KNG1: variants seen among roughly 807,000 people sequenced by gnomAD.
The protein encoded by KNG1 is kininogen 1, also known as kininogen-1.
KNG1 carries 23 observed loss-of-function variants against 47.8 expected under a neutral mutation model. That is an observed-to-expected ratio of 0.48 (90% confidence interval 0.35 to 0.68). The LOEUF is 0.68. Ranked by LOEUF, KNG1 falls within the 30% of genes least tolerant of loss-of-function variation. KNG1 has a pLI of 0.01. For synonymous variants in KNG1, 277 were observed against 277.0 expected (o/e 1.00, Z 0.00); for missense variants, 762 against 790.2 (o/e 0.96, Z 0.43).
chr3:186,722,619 G>T, intron 3 of KNG1, 98 bp downstream of exon 3: 1 of 972,038 alleles, frequency 1.0e-6, no homozygotes, highest in Non-Finnish European at 1.6e-6. Context: ...CTCCCAGAGG[G>T]TGGCAGTAGT....
At chr3:186,727,443 A>G in intron 5 of KNG1, 99 bp downstream of exon 5, 1 of 794,654 alleles carries the variant, frequency 1.3e-6, no homozygotes, top group Non-Finnish European at 2.2e-6. Flanking sequence ...AAAAGTTTAG[A>G]TGACATTCAG....
chr3:186,717,809 C>CAG (rs1311979926), intron 1 of KNG1, 72 bp downstream of exon 1: 17 of 1,035,158 alleles, frequency 1.6e-5, no homozygotes, highest in Middle Eastern at 2.9e-4. Context: ...GCCTCACACA[C>CAG]ACACACACAT....
rs201690296 is a variant in KNG1, at chr3:186,743,687, G to A, written c.*1356G>A. 4.4e-5 allele frequency: 70 copies of A among 1,594,892 alleles called. No individual in the cohort carries two copies. The highest frequency in any genetic ancestry group is 1.3e-4 in the African/African-American group (10 of 74,542). On this transcript the variant is annotated 3_prime_UTR_variant, in exon 10 of 10. Transcript: ENST00000644859. Reference sequence around the variant, plus strand: ...TGAATGATAACATCATATTAACTGCGTTTTACTATACTTACAGAGTCACCT... The same window carrying A: ...TGAATGATAACATCATATTAACTGCATTTTACTATACTTACAGAGTCACCT...
chr3:186,722,248 A>G (rs911038062), intron 2 of KNG1, among the ~76,000 whole-genome samples, 189 bp from the exon 3 acceptor site: 29 of 152,174 alleles, frequency 1.9e-4, no homozygotes, highest in African/African-American at 7.0e-4. Flanking sequence ...CATGAATATC[A>G]GTGGCTTATA....
At chr3:186,732,127 T>C (rs1648700) in intron 6 of KNG1, among the ~76,000 whole-genome samples, 58,174 of 152,104 alleles carry the variant, frequency 0.38, 11,254 homozygotes, top group South Asian at 0.48. Flanking sequence ...ATGCGTTCCA[T>C]GAGTAGTCTG....
rs1720853345 is a variant in KNG1, at chr3:186,742,915, GA to G, written c.*589del. ...AAAAAGAAAAAAAAAGAAATAATAA[GA>G]AAAACTTCCAGATTTCAAAGTAACA... On this transcript the variant is annotated 3_prime_UTR_variant, in exon 10 of 10. Coordinates refer to ENST00000644859, the MANE Select transcript of KNG1 (RefSeq NM_001102416.3). The G allele has an allele frequency of 3.1e-6, 3 of 981,088 alleles. No homozygotes were observed. The highest frequency in any genetic ancestry group is 2.4e-6 in the Non-Finnish European group (2 of 826,172). 60.8% of individuals were successfully genotyped at this position (981,088 alleles called of 1,614,324 possible).
rs772770069 is a variant in KNG1 at position 186,739,135 on chromosome 3, G to GCCAGGGAAA, written c.971_979dup (p.Arg324_Thr326dup). 4.6e-5 allele frequency: 74 copies of GCCAGGGAAA among 1,613,942 alleles called. No homozygotes were observed. The highest frequency in any genetic ancestry group is 5.8e-5 in the Non-Finnish European group (69 of 1,180,014). The stretch of plus-strand genomic sequence containing the variant: ...CAAGAAATATTTTATTGACTTCGTG[G>GCCAGGGAAA]CCAGGGAAACCACATGTTCCAAGGA... On this transcript the variant is annotated inframe_insertion, in exon 8 of 10. Transcript: ENST00000644859.
chr3:186,720,500 A>G, intron 2 of KNG1: 2 of 280,302 alleles, frequency 7.1e-6, no homozygotes, highest in South Asian at 3.7e-5. Context: ...ACAAATTGAC[A>G]TTTGGGCCAA....
rs531695652 is a variant in KNG1 at position 186,722,662 on chromosome 3, G to A, written c.391+141G>A. ...TTTGCAGAGTTAGGGAGCATTGGGT[G>A]GAGCGGCAGAGCCCGGAGGTTGAGC... On this transcript the variant is annotated intron_variant, in intron 3 of 9. Coordinates refer to ENST00000644859, the MANE Select transcript of KNG1 (RefSeq NM_001102416.3). 395 of 729,994 alleles carry A rather than the reference G, an allele frequency of 5.4e-4. 7 individuals are homozygous for A. In the South Asian group the frequency reaches 5.9e-3, roughly 11 times the overall value. The allele number at this position is 729,994 out of a possible 1,614,324, so 45.2% of individuals were successfully genotyped here.
rs1201092531 is a variant in KNG1, at chr3:186,721,952, C to T, written c.307-485C>T. 3 of 168,980 alleles carry T rather than the reference C, an allele frequency of 1.8e-5. 1 individual carries two copies. The South Asian group carries it at 4.3e-4, about 24-fold the overall frequency. The allele number at this position is 168,980 out of a possible 1,614,324, so 10.5% of individuals were successfully genotyped here. On this transcript the variant is annotated intron_variant, in intron 2 of 9. Transcript: ENST00000644859. ...CCAACGTAGTGAAACCCTGTCTCTACCAAAAATACAAAATTAGCTGGGTGT... is the reference window on the plus strand; with the variant it reads ...CCAACGTAGTGAAACCCTGTCTCTATCAAAAATACAAAATTAGCTGGGTGT...
In KNG1 at chr3:186,725,236, T is replaced by C; in HGVS notation, c.540T>C (p.Asn180=). The change falls in exon 4 of 10, where the codon AAT becomes AAC. Residue 180 remains asparagine, a synonymous_variant. Transcript: ENST00000644859. ...NTQHSSLFML[N]EVKRAQRQVV... ...AACATTCCTCCCTCTTCATGCTTAA[T>C]GAAGTAAAACGGGCCCAAAGACAGG... The C allele has an allele frequency of 6.2e-7, 1 of 1,614,132 alleles. No homozygotes were observed. The highest frequency in any genetic ancestry group is 1.1e-5 in the South Asian group (1 of 91,082).
intron 8 of KNG1, 50 bp from the exon 9 acceptor site, chr3:186,739,278 T>C: frequency 6.3e-7 from 1 of 1,580,412 alleles, no homozygotes; most frequent in Non-Finnish European, 8.7e-7. Flanking sequence ...TTTGTTTAAA[T>C]GTCTCGTGAA....
chr3:186,717,376 A>G lies in KNG1; in HGVS notation c.-167A>G, dbSNP rs1720010029. On this transcript the variant is annotated 5_prime_UTR_variant, in exon 1 of 10. Transcript: ENST00000644859. ...GCAGAGCCATTTAACCTTTGGGAACAAGGCAACTAGCGTCTGGCAGCAGGA... is the reference window on the plus strand; with the variant it reads ...GCAGAGCCATTTAACCTTTGGGAACGAGGCAACTAGCGTCTGGCAGCAGGA... 4.7e-6 allele frequency: 3 copies of G among 639,932 alleles called. No homozygotes were observed. The highest frequency in any genetic ancestry group is 2.8e-6 in the Non-Finnish European group (1 of 358,112). 39.6% of individuals were successfully genotyped at this position (639,932 alleles called of 1,614,324 possible). A position where few individuals can be genotyped will look rare whatever the true frequency, so the allele number is the denominator to read the frequency against.
intron 7 of KNG1, among the ~76,000 whole-genome samples, chr3:186,733,317 A>G (rs1320344603): frequency 3.9e-5 from 6 of 152,236 alleles, no homozygotes; most frequent in Admixed American, 2.6e-4. Context: ...GGCTAGGGCC[A>G]GGAAGACTTA....
chr3:186,732,559 C>T lies in KNG1; in HGVS notation c.815C>T (p.Pro272Leu), dbSNP rs751479789. The T allele has an allele frequency of 3.7e-6, 6 of 1,614,024 alleles. No individual in the cohort carries two copies. The Middle Eastern group carries it at 9.9e-4, about 266-fold the overall frequency. Residue 272 changes from proline to leucine, a missense_variant, in exon 7 of 10, where the codon CCC becomes CTC. By Grantham distance (98) the Pro-to-Leu change is moderately conservative (BLOSUM62 -3). Coordinates refer to ENST00000644859, the MANE Select transcript of KNG1 (RefSeq NM_001102416.3). ...KICVGCPRDIPTNSPELEETL... is the reference protein window; with the variant it reads ...KICVGCPRDILTNSPELEETL... ...TGCGTGGGCTGCCCCAGAGATATAC[C>T]CACCAACAGCCCAGAGCTGGAGGAG...
At chr3:186,720,872 C>T in intron 2 of KNG1, among the ~76,000 whole-genome samples, 1 of 142,904 alleles carries the variant, frequency 7.0e-6, no homozygotes, top group East Asian at 2.1e-4. Flanking sequence ...TCACTGCAAG[C>T]TCTGCCTTCC....
At chr3:186,725,315 T>C in intron 4 of KNG1, 55 bp downstream of exon 4, 1 of 1,527,438 alleles carries the variant, frequency 6.5e-7, no homozygotes, top group Non-Finnish European at 9.1e-7. Context: ...GTTAGATCTT[T>C]ACATTTAAAA....
chr3:186,743,666 T>C lies in KNG1; in HGVS notation c.*1335T>C. 2 of 1,478,278 alleles carry C rather than the reference T, an allele frequency of 1.4e-6. No individual in the cohort carries two copies. Among genetic ancestry groups the C allele is most frequent in the Non-Finnish European group, 1.9e-6 (2 of 1,056,704 alleles). 91.6% of individuals were successfully genotyped at this position (1,478,278 alleles called of 1,614,324 possible). On this transcript the variant is annotated 3_prime_UTR_variant, in exon 10 of 10. Coordinates refer to ENST00000644859, the MANE Select transcript of KNG1 (RefSeq NM_001102416.3). ...GCTCCACTTTTTAAAAATGATTGAA[T>C]GATAACATCATATTAACTGCGTTTT... is the stretch of plus-strand genomic sequence containing the variant.
At chr3:186,721,012 A>G (rs2108619122) in intron 2 of KNG1, among the ~76,000 whole-genome samples, 1 of 151,794 alleles carries the variant, frequency 6.6e-6, no homozygotes, top group Non-Finnish European at 1.5e-5. Flanking sequence ...GATGGTCTCA[A>G]TCTCCTGACC....
Sources: gnomAD v4.1 joint callset for allele counts (sites outside exome capture counted in the v4.1 genomes callset) on GRCh38, gnomAD v4.1.1 for gene constraint, MANE v1.5 for transcripts, NCBI Gene and HGNC (gene_info 2026-07-23, HGNC 2026-07-21) for gene names.